Variants in SIN3A observed in about 807,000 individuals in gnomAD.
The protein encoded by SIN3A is SIN3 transcription regulator family member A.
A neutral mutation model predicts 146.1 loss-of-function variants in SIN3A; 14 were observed. The observed-to-expected ratio is 0.10, with a 90% CI of 0.06 to 0.15. SIN3A has a LOEUF of 0.15. SIN3A is among the 10% of genes least tolerant of loss of function. SIN3A has a pLI of 1.00. For missense variants in SIN3A, 1,028 were observed against 1,576.0 expected, an observed-to-expected ratio of 0.65 and a Z score of 5.89; for synonymous variants, 572 against 572.0, an observed-to-expected ratio of 1.00 and a Z score of 0.00.
intron 1 of SIN3A, among the ~76,000 whole-genome samples, chr15:75,440,038 C>T (rs2074177263): frequency 6.6e-6 from 1 of 151,448 alleles, no homozygotes; most frequent in Admixed American, 6.6e-5. Flanking sequence ...GTAATCCCAG[C>T]AACTTTGGAG....
At chr15:75,376,964 T>TC (rs1351143606) in intron 19 of SIN3A, among the ~76,000 whole-genome samples, 5 of 151,222 alleles carry the variant, frequency 3.3e-5, no homozygotes, top group African/African-American at 4.9e-5. Flanking sequence ...GTCCAAAGGG[T>TC]CCCAGGACCC....
At chr15:75,391,790 A>G (rs1434548294) in intron 15 of SIN3A, among the ~76,000 whole-genome samples, 3 of 152,176 alleles carry the variant, frequency 2.0e-5, no homozygotes, top group Admixed American at 6.5e-5. Context: ...CTATTTCTAC[A>G]TATTAAGAAT....
At chr15:75,396,565 G>T in intron 12 of SIN3A, 69 bp from the exon 13 acceptor site, 2 of 1,138,882 alleles carry the variant, frequency 1.8e-6, no homozygotes, top group Non-Finnish European at 2.6e-6. Context: ...GTGTTTAGAA[G>T]AATAAGGTAG....
At chr15:75,419,991 G>T (rs1473093824) in intron 3 of SIN3A, 9 of 152,038 alleles carry the variant, frequency 5.9e-5, no homozygotes. Context: ...ATAAATGCAT[G>T]TATACAGTTC....
chr15:75,450,981 T>C, intron 1 of SIN3A, among the ~76,000 whole-genome samples: 2 of 144,502 alleles, frequency 1.4e-5, no homozygotes, highest in Admixed American at 6.8e-5. Context: ...TCACGCCCCC[T>C]CCCTGCCGCG....
At chr15:75,409,063 G>C (rs2073575250) in intron 8 of SIN3A, among the ~76,000 whole-genome samples, 1 of 152,092 alleles carries the variant, frequency 6.6e-6, no homozygotes, top group Admixed American at 6.6e-5. Flanking sequence ...AATTAGCTGG[G>C]CGTGGTGGCA....
chr15:75,434,647 CAAA>C (rs557903926), intron 1 of SIN3A, among the ~76,000 whole-genome samples: 1 of 123,052 alleles, frequency 8.1e-6, no homozygotes. Flanking sequence ...GGAACTGTCT[CAAA>C]AAAAAAAAAA....
At chr15:75,374,186 G>A (rs1286265552) in intron 20 of SIN3A, among the ~76,000 whole-genome samples, 1 of 152,016 alleles carries the variant, frequency 6.6e-6, no homozygotes, top group Non-Finnish European at 1.5e-5. Flanking sequence ...ACCATCTCTT[G>A]TCAATTAAAT....
At chr15:75,429,228 C>T (rs1442767470) in intron 2 of SIN3A, among the ~76,000 whole-genome samples, 1 of 152,016 alleles carries the variant, frequency 6.6e-6, no homozygotes, top group African/African-American at 2.4e-5. Flanking sequence ...TAGGACCAGC[C>T]TGAGCAACAC....
intron 2 of SIN3A, among the ~76,000 whole-genome samples, chr15:75,427,955 G>A (rs191545909): frequency 8.2e-4 from 125 of 152,010 alleles, no homozygotes; most frequent in Non-Finnish European, 1.4e-3. Context: ...TGGGTGATAA[G>A]AGCGAAACTC....
chr15:75,425,445 G>C (rs2073909030), intron 2 of SIN3A, among the ~76,000 whole-genome samples: 1 of 152,184 alleles, frequency 6.6e-6, no homozygotes, highest in Non-Finnish European at 1.5e-5. Flanking sequence ...TGGGATTACA[G>C]GTGTGAGCCA....
chr15:75,402,064 T>C (rs1040133681), intron 9 of SIN3A, 94 bp from the exon 10 acceptor site: 5 of 767,450 alleles, frequency 6.5e-6, no homozygotes, highest in African/African-American at 5.2e-5. Flanking sequence ...GGAGGCGCAG[T>C]TGTGTAATCT....
chr15:75,394,705 T>C lies in SIN3A; in HGVS notation c.2252A>G (p.Asn751Ser), dbSNP rs532044975. Residue 751 changes from asparagine to serine, a missense_variant, in exon 14 of 21, where the codon AAT becomes AGT. Asn to Ser is a conservative substitution (Grantham distance 46). This residue lies in a region of SIN3A where 488 missense variants were observed against 690.2 expected (regional missense o/e 0.71). Transcript: ENST00000394947. ...TKVLRSKSLL[N>S]EIESIYDERQ... Reference sequence around the variant, plus strand: ...CTCATCATAGATACTCTCAATCTCATTGAGTAAGCTCTTAGACCTCAGGAC... The same window carrying C: ...CTCATCATAGATACTCTCAATCTCACTGAGTAAGCTCTTAGACCTCAGGAC... 107 of 1,613,650 alleles carry C rather than the reference T, an allele frequency of 6.6e-5. No homozygotes were observed. In the East Asian group the frequency reaches 6.7e-4, roughly 10 times the overall value.
chr15:75,384,484 C>A (rs1003606461), intron 16 of SIN3A, 47 bp from the exon 17 acceptor site: 1 of 1,327,960 alleles, frequency 7.5e-7, no homozygotes, highest in Non-Finnish European at 9.9e-7. Context: ...GAAAACATTT[C>A]TCCATTATAC....
rs765613606 is a variant in SIN3A at position 75,400,098 on chromosome 15, C to G, written c.1796G>C (p.Ser599Thr). 18 of 1,612,572 alleles carry G rather than the reference C, an allele frequency of 1.1e-5. No homozygotes were observed. The highest frequency in any genetic ancestry group is 1.5e-5 in the Non-Finnish European group (18 of 1,178,614). ...PSWSEDSTFV[S>T]SKKTQYEEHI... ...TTCTTCATATTGAGTCTTCTTGGAA[C>G]TCACAAAGGTAGAGTCCTCAGACCA... The change falls in exon 12 of 21, where the codon AGT (serine) becomes ACT (threonine). Residue 599 changes from serine (S) to threonine (T), a missense_variant. By Grantham distance (58) the Ser-to-Thr change is moderately conservative. Coordinates refer to ENST00000394947, the MANE Select transcript of SIN3A (RefSeq NM_001145358.2).
chr15:75,384,663 A>G (rs1387631013), intron 16 of SIN3A, among the ~76,000 whole-genome samples: 2 of 152,130 alleles, frequency 1.3e-5, no homozygotes, highest in Non-Finnish European at 1.5e-5. Flanking sequence ...TCCATGGTAA[A>G]ACTTTCCTAT....
At chr15:75,372,288 T>C in intron 20 of SIN3A, 79 bp from the exon 21 acceptor site, 5 of 925,402 alleles carry the variant, frequency 5.4e-6, no homozygotes, top group Non-Finnish European at 8.0e-6. Context: ...CCTAATTTTC[T>C]TCTAAAGGAG....
intron 19 of SIN3A, among the ~76,000 whole-genome samples, chr15:75,378,740 T>C (rs796920964): frequency 9.9e-5 from 15 of 152,228 alleles, no homozygotes; most frequent in Admixed American, 7.2e-4. Context: ...AGATTGAATA[T>C]AGAAGCAGAC....
chr15:75,424,739 C>CT (rs945469008), intron 2 of SIN3A, among the ~76,000 whole-genome samples: 1 of 152,150 alleles, frequency 6.6e-6, no homozygotes, highest in African/African-American at 2.4e-5. Context: ...TCCCAAAGTG[C>CT]TGGGGTTATA....
Sources: gnomAD v4.1 joint callset for allele counts (sites outside exome capture counted in the v4.1 genomes callset) on GRCh38, gnomAD v4.1.1 for gene constraint, gnomAD v4.1.1 regional missense constraint, MANE v1.5 for transcripts, NCBI Gene and HGNC (gene_info 2026-07-23, HGNC 2026-07-21) for gene names.